NOLC1: variants seen among roughly 807,000 people sequenced by gnomAD.
The protein encoded by NOLC1 is 140 kDa nucleolar phosphoprotein.
In NOLC1, 37 loss-of-function variants were observed where a neutral mutation model predicts 73.4. The ratio of observed to expected loss-of-function variants is 0.50; its 90% confidence interval spans 0.39 to 0.66. NOLC1 has a LOEUF of 0.66. Ranked by LOEUF, NOLC1 falls within the 30% of genes least tolerant of loss-of-function variation. NOLC1 has a pLI of 0.00. For missense variants in NOLC1, 921 were observed against 838.9 expected (o/e 1.10, Z -1.21); for synonymous variants, 327 against 302.6 (o/e 1.08, Z -0.84).
chr10:102,157,518 A>G lies in NOLC1; in HGVS notation c.404A>G (p.Asp135Gly). 6.2e-7 allele frequency: 1 copy of G among 1,614,182 alleles called. No homozygotes were observed. Among genetic ancestry groups the G allele is most frequent in the Non-Finnish European group, 8.5e-7 (1 of 1,180,020 alleles). The change falls in exon 4 of 13, where the codon GAT becomes GGT. Residue 135 changes from aspartate to glycine, a missense_variant. Asp to Gly is a moderately conservative substitution (Grantham distance 94). Transcript: ENST00000605788. ...ESSSSEESSD[D>G]DDEEDQKKQP... is the part of the protein sequence containing the mutation. ...AGCAGCAGTGAAGAGTCCAGTGATG[A>G]TGATGATGAGGAGGACCAAAAGAAA... is the stretch of plus-strand genomic sequence containing the variant.
At position 102,162,201 on chromosome 10, in the gene NOLC1, A is replaced by C. The variant is rs1001841799; in HGVS notation, c.2032A>C (p.Lys678Gln). ...KSFRHEKTKK[K>Q]RGSYRGGSIS... ...CTTTCGGCATGAGAAAACCAAGAAG[A>C]AGCGGGGCAGCTACCGGGGAGGCTC... The change falls in exon 13 of 13, where the codon AAG (lysine) becomes CAG (glutamine). Residue 678 changes from lysine (K) to glutamine (Q), a missense_variant. Lys to Gln is a moderately conservative substitution (Grantham distance 53, BLOSUM62 1). Coordinates refer to ENST00000605788, the MANE Select transcript of NOLC1 (RefSeq NM_004741.5). The C allele has an allele frequency of 6.2e-7, 1 of 1,613,998 alleles. No homozygotes were observed. Among genetic ancestry groups the C allele is most frequent in the Non-Finnish European group, 8.5e-7 (1 of 1,180,022 alleles).
Position 102,162,115 on chromosome 10 carries a change from G to T in NOLC1, c.1946G>T (p.Gly649Val), listed in dbSNP as rs2069720070. The change falls in exon 13 of 13, where the codon GGT (glycine) becomes GTT (valine). Residue 649 changes from glycine (G) to valine (V), a missense_variant. Gly to Val is a moderately radical substitution (Grantham distance 109). Transcript: ENST00000605788. ...VADNSFDAKR[G>V]AAGDWGERAN... ...ATCTCCCTCTCTACTTACCAGCGAGGTGCAGCCGGAGACTGGGGAGAGCGA... is the reference window on the plus strand; with the variant it reads ...ATCTCCCTCTCTACTTACCAGCGAGTTGCAGCCGGAGACTGGGGAGAGCGA... 2.5e-6 allele frequency: 4 copies of T among 1,613,654 alleles called. No homozygotes were observed. The highest frequency in any genetic ancestry group is 3.4e-6 in the Non-Finnish European group (4 of 1,180,000).
chr10:102,159,986 A>C lies in NOLC1; in HGVS notation c.950A>C (p.Gln317Pro). 5 of 1,612,684 alleles carry C rather than the reference A, an allele frequency of 3.1e-6. No homozygotes were observed. The highest frequency in any genetic ancestry group is 4.2e-6 in the Non-Finnish European group (5 of 1,179,304). ...QPPKKAVEKQ[Q>P]PVESSEDSSD... The stretch of plus-strand genomic sequence containing the variant: ...CCCAAGAAGGCTGTGGAGAAGCAGC[A>C]GCCTGTGGAAAGCAGTGAAGACAGC... Residue 317 changes from glutamine to proline, a missense_variant, in exon 8 of 13, where the codon CAG becomes CCG. Coordinates refer to ENST00000605788, the MANE Select transcript of NOLC1 (RefSeq NM_004741.5).
rs2069702461 is a variant in NOLC1, at chr10:102,161,111, A to G, written c.1741+18A>G. 6 of 1,579,946 alleles carry G rather than the reference A, an allele frequency of 3.8e-6. No homozygotes were observed. Among genetic ancestry groups the G allele is most frequent in the East Asian group, 4.5e-5 (2 of 44,738 alleles). ...CAAATCAGGTCTGTACCCAATGAAC[A>G]TGCCCTCTGGGTTTTGTCCCCCCAA... On this transcript the variant is annotated intron_variant, in intron 10 of 12. Coordinates refer to ENST00000605788, the MANE Select transcript of NOLC1 (RefSeq NM_004741.5).
Position 102,162,119 on chromosome 10 carries a change from A to C in NOLC1, c.1950A>C (p.Ala650=). Residue 650 remains alanine, a synonymous_variant, in exon 13 of 13, where the codon GCA becomes GCC. Transcript: ENST00000605788. The stretch of plus-strand genomic sequence containing the variant: ...CCCTCTCTACTTACCAGCGAGGTGC[A>C]GCCGGAGACTGGGGAGAGCGAGCCA... ...ADNSFDAKRG[A]AGDWGERANQ... is the part of the protein sequence containing the mutation. 1 of 1,613,874 alleles carries C rather than the reference A, an allele frequency of 6.2e-7. No homozygotes were observed.
At chr10:102,153,952 C>A (rs1034321970) in intron 1 of NOLC1, among the ~76,000 whole-genome samples, 3 of 151,150 alleles carry the variant, frequency 2.0e-5, no homozygotes, top group Non-Finnish European at 2.9e-5. Context: ...GGATTACAGG[C>A]GCGAGCCACC....
In NOLC1 at chr10:102,158,103, A is replaced by G; in HGVS notation, c.496A>G (p.Ser166Gly). 1 of 1,614,154 alleles carries G rather than the reference A, an allele frequency of 6.2e-7. No individual in the cohort carries two copies. Residue 166 changes from serine to glycine, a missense_variant, in exon 5 of 13, where the codon AGC becomes GGC. Ser to Gly is a moderately conservative substitution (Grantham distance 56). Transcript: ENST00000605788. ...CAAAGCTCCTCCTAAGAAGGCCAAG[A>G]GCTCTGATTCTGATTCTGACTCAAG... The part of the protein sequence containing the change: ...AAKAPPKKAK[S>G]SDSDSDSSSE...
At chr10:102,155,982 G>C (rs1323429148) in intron 1 of NOLC1, among the ~76,000 whole-genome samples, 1 of 151,364 alleles carries the variant, frequency 6.6e-6, no homozygotes, top group East Asian at 2.0e-4. Context: ...TCAGCCTCCC[G>C]AGTACCTGGG....
Position 102,160,242 on chromosome 10 carries a change from C to A in NOLC1, c.998C>A (p.Ser333Tyr). The change falls in exon 9 of 13, where the codon TCT (serine) becomes TAT (tyrosine). Residue 333 changes from serine (S) to tyrosine (Y), a missense_variant. By Grantham distance (144) the Ser-to-Tyr change is moderately radical (BLOSUM62 -2). Coordinates refer to ENST00000605788, the MANE Select transcript of NOLC1 (RefSeq NM_004741.5). ...EDSSDESDSS[S>Y]EEEKKPPTKA... ...TACAGGTTCTCCTCAGATTCAAGTT[C>A]TGAAGAAGAGAAGAAACCCCCAACT... 6.2e-7 allele frequency: 1 copy of A among 1,613,952 alleles called. No homozygotes were observed. The highest frequency in any genetic ancestry group is 1.1e-5 in the South Asian group (1 of 91,070).
Position 102,157,013 on chromosome 10 carries a change from C to T in NOLC1, c.121-6C>T, listed in dbSNP as rs1025503786. ...ATTTCCTTACCCAGCTCTTTTTCTT[C>T]TACAGACACAGCAGGATGCCAATGC... On this transcript the variant is annotated splice_polypyrimidine_tract_variant and splice_region_variant and intron_variant, in intron 1 of 12. Transcript: ENST00000605788. 4 of 1,613,978 alleles carry T rather than the reference C, an allele frequency of 2.5e-6. No individual in the cohort carries two copies.
intron 1 of NOLC1, among the ~76,000 whole-genome samples, chr10:102,156,124 GCCA>G (rs2069590676): frequency 6.6e-6 from 1 of 152,244 alleles, no homozygotes; most frequent in Non-Finnish European, 1.5e-5. Context: ...ATAGGCGTGA[GCCA>G]CTGCATCCCG....
rs2069672151 is a variant in NOLC1 at position 102,159,997 on chromosome 10, A to G, written c.961A>G (p.Ser321Gly). 4 of 1,612,948 alleles carry G rather than the reference A, an allele frequency of 2.5e-6. No homozygotes were observed. The highest frequency in any genetic ancestry group is 2.5e-6 in the Non-Finnish European group (3 of 1,179,460). ...TGTGGAGAAGCAGCAGCCTGTGGAA[A>G]GCAGTGAAGACAGCAGTGATGAGTC... ...KAVEKQQPVESSEDSSDESDS... is the reference protein window; with the variant it reads ...KAVEKQQPVEGSEDSSDESDS... The change falls in exon 8 of 13, where the codon AGC becomes GGC. Residue 321 changes from serine to glycine, a missense_variant. Ser to Gly is a moderately conservative substitution (Grantham distance 56). Transcript: ENST00000605788.
rs549103419 is a variant in NOLC1, at chr10:102,155,331, G to A, written c.121-1688G>A. On this transcript the variant is annotated intron_variant, in intron 1 of 12. Transcript: ENST00000605788. ...TTTAGCCACCACAGGCCAAGCAACC[G>A]CAGTGCCATTGCAATCCAACCTGGG... Among the ~76,000 whole-genome samples the A allele has an allele frequency of 8.3e-4, 126 of 150,966 alleles. 1 individual carries two copies. Among genetic ancestry groups the A allele is most frequent in the African/African-American group, 3.0e-3 (122 of 41,086 alleles).
intron 1 of NOLC1, among the ~76,000 whole-genome samples, chr10:102,155,380 CAAAA>C (rs1182815043): frequency 1.6e-5 from 2 of 127,874 alleles, no homozygotes; most frequent in Non-Finnish European, 3.4e-5. Flanking sequence ...AATTCCATTT[CAAAA>C]AAAAAAAAAG....
At chr10:102,152,583 G>A in intron 1 of NOLC1, 53 bp downstream of exon 1, 2 of 1,608,526 alleles carry the variant, frequency 1.2e-6, no homozygotes, top group East Asian at 2.2e-5. Context: ...CAAGGCTTCA[G>A]GCCCTGACGT....
At position 102,161,606 on chromosome 10, in the gene NOLC1, C is replaced by A. The variant is rs2069710615; in HGVS notation, c.1792C>A (p.Pro598Thr). Residue 598 changes from proline to threonine, a missense_variant, in exon 11 of 13, where the codon CCT becomes ACT. Transcript: ENST00000605788. Reference sequence around the variant, plus strand: ...TGAGGCTGCCAAGGAGGCAGAGACTCCTCAGGCCAAGAAGATAAAGCTTCA... The same window carrying A: ...TGAGGCTGCCAAGGAGGCAGAGACTACTCAGGCCAAGAAGATAAAGCTTCA... ...QNEAAKEAET[P>T]QAKKIKLQTP... is the part of the protein sequence containing the mutation. 1 of 1,613,932 alleles carries A rather than the reference C, an allele frequency of 6.2e-7. No homozygotes were observed. The highest frequency in any genetic ancestry group is 8.5e-7 in the Non-Finnish European group (1 of 1,179,982).
At chr10:102,159,408 G>C in intron 6 of NOLC1, 25 bp from the exon 7 acceptor site, 1 of 1,613,914 alleles carries the variant, frequency 6.2e-7, no homozygotes, top group Non-Finnish European at 8.5e-7. Context: ...TTTTCCTGTG[G>C]TAATCAATTT....
chr10:102,152,786 C>T (rs1470850603), intron 1 of NOLC1, among the ~76,000 whole-genome samples: 3 of 152,218 alleles, frequency 2.0e-5, no homozygotes, highest in Non-Finnish European at 4.4e-5. Flanking sequence ...GCGTGGGAGC[C>T]TCGTGGCCCC....
intron 10 of NOLC1, 145 bp downstream of exon 10, chr10:102,161,238 C>CAT: frequency 3.0e-6 from 2 of 671,204 alleles, no homozygotes; most frequent in Non-Finnish European, 4.7e-6. Context: ...AACTGGTTAC[C>CAT]TTTTTTTTTT....
Sources: gnomAD v4.1 joint callset for allele counts (sites outside exome capture counted in the v4.1 genomes callset) on GRCh38, gnomAD v4.1.1 for gene constraint, MANE v1.5 for transcripts, NCBI Gene and HGNC (gene_info 2026-07-23, HGNC 2026-07-21) for gene names.